Variants in RAC2 observed in about 807,000 individuals in gnomAD.
RAC2 encodes the protein Rac family small GTPase 2.
In RAC2, 1 loss-of-function variant was observed where a neutral mutation model predicts 24.0. The observed-to-expected ratio is 0.04, with a 90% CI of 0.01 to 0.20. The LOEUF (loss-of-function observed/expected upper bound fraction) is 0.20. Ranked by LOEUF, RAC2 falls within the 10% of genes least tolerant of loss-of-function variation. RAC2 has a pLI of 1.00. For synonymous variants in RAC2, 114 were observed against 106.8 expected (o/e 1.07, Z -0.41); for missense variants, 130 against 259.1 (o/e 0.50, Z 3.42).
rs1926803832 is a variant in RAC2, at chr22:37,225,601, A to G, written c.*441T>C. On this transcript the variant is annotated 3_prime_UTR_variant, in exon 7 of 7. Transcript: ENST00000249071. ...AACTCTCTGGCAAGCAGGACCATCG[A>G]TATTAGAGCAGCTGGCCTCAGGAGG... 6.6e-6 allele frequency: 1 copy of G among 152,206 alleles called. No individual in the cohort carries two copies. Among genetic ancestry groups the G allele is most frequent in the Non-Finnish European group, 1.5e-5 (1 of 68,056 alleles). The allele number at this position is 152,206 out of a possible 1,614,324, so 9.4% of individuals were successfully genotyped here. A position where few individuals can be genotyped will look rare whatever the true frequency, so the allele number is the denominator to read the frequency against.
rs573802446 is a variant in RAC2, at chr22:37,242,508, G to A, written c.36-850C>T. ...AGCGGGTGCAGGTAGCTCAGCCGAA[G>A]CCCAGAGGCCAAGGGACAGCTCTGG... On this transcript the variant is annotated intron_variant, in intron 1 of 6. Transcript: ENST00000249071. Among the ~76,000 whole-genome samples, 16 of 152,254 alleles carry A rather than the reference G, an allele frequency of 1.1e-4. No homozygotes were observed. In the South Asian group the frequency reaches 3.3e-3, roughly 32 times the overall value.
At chr22:37,237,533 TG>T (rs1446174502) in intron 2 of RAC2, among the ~76,000 whole-genome samples, 1 of 152,020 alleles carries the variant, frequency 6.6e-6, no homozygotes, top group African/African-American at 2.4e-5. Context: ...CAGAACCTGG[TG>T]GGGCCTGGCG....
chr22:37,231,874 C>G lies in RAC2; in HGVS notation c.288+58G>C. ...CCAGCCTAGAGTCACCAGTTCCTCC[C>G]TCTGTCCCTCAGGGTTACCTGCCCC... On this transcript the variant is annotated intron_variant, in intron 4 of 6. Transcript: ENST00000249071. The surrounding 1 kb of genome is among the most constrained non-coding windows in gnomAD (Gnocchi z 5.5). 6.5e-7 allele frequency: 1 copy of G among 1,530,484 alleles called. No individual in the cohort carries two copies. Among genetic ancestry groups the G allele is most frequent in the South Asian group, 1.2e-5 (1 of 83,606 alleles). The allele number at this position is 1,530,484 out of a possible 1,614,324, so 94.8% of individuals were successfully genotyped here.
At position 37,231,992 on chromosome 22, in the gene RAC2, G is replaced by A. The variant is rs773555428; in HGVS notation, c.228C>T (p.Asp76=). The change falls in exon 4 of 7, where the codon GAC becomes GAT. Residue 76 remains aspartate (D), a splice_region_variant and synonymous_variant. Transcript: ENST00000249071. This position sits in a 1 kb window ranked among gnomAD's most constrained non-coding sequence, Gnocchi z 5.5. ...CGAGGGAGAAGCAGATGAGGAAGAC[G>A]TCCTGGGGACAGAGCAAGCGAGGTT... ...RLRPLSYPQT[D]VFLICFSLVS... 1.2e-5 allele frequency: 18 copies of A among 1,543,560 alleles called. No individual in the cohort carries two copies. The highest frequency in any genetic ancestry group is 4.0e-5 in the Admixed American group (2 of 50,362).
chr22:37,227,891 T>C (rs2145821113), intron 5 of RAC2, among the ~76,000 whole-genome samples: 1 of 152,280 alleles, frequency 6.6e-6, no homozygotes, highest in East Asian at 1.9e-4. Context: ...TGTGTCTTTC[T>C]TGGACACATA....
At position 37,231,615 on chromosome 22, in the gene RAC2, G is replaced by A; in HGVS notation, c.289-225C>T. 1 of 606,452 alleles carries A rather than the reference G, an allele frequency of 1.6e-6. No individual in the cohort carries two copies. The highest frequency in any genetic ancestry group is 2.9e-6 in the Non-Finnish European group (1 of 342,140). The allele number at this position is 606,452 out of a possible 1,614,324, so 37.6% of individuals were successfully genotyped here. The stretch of plus-strand genomic sequence containing the variant: ...GGGGGCGCATGATTGTAGGAAAGGA[G>A]GAGGCGAGGTTTTGTGCAGACATAA... On this transcript the variant is annotated intron_variant, in intron 4 of 6. Transcript: ENST00000249071. This position sits in a 1 kb window ranked among gnomAD's most constrained non-coding sequence, Gnocchi z 5.5.
In RAC2 at chr22:37,232,864, C is replaced by T. The variant is rs771160247; in HGVS notation, c.162G>A (p.Gly54=). The change falls in exon 3 of 7, where the codon GGG becomes GGA. Residue 54 remains glycine (G), a synonymous_variant. Transcript: ENST00000249071. ...CCTCCTGCCCAGCAGTGTCCCACAG[C>T]CCCAGGTTCACTGGCTTGCTGTCCA... is the stretch of plus-strand genomic sequence containing the variant. ...VMVDSKPVNL[G]LWDTAGQEDY... 1.9e-6 allele frequency: 3 copies of T among 1,613,974 alleles called. No homozygotes were observed. Among genetic ancestry groups the T allele is most frequent in the Non-Finnish European group, 1.7e-6 (2 of 1,180,036 alleles).
At position 37,241,299 on chromosome 22, in the gene RAC2, G is replaced by A. The variant is rs144338192; in HGVS notation, c.107+288C>T. On this transcript the variant is annotated intron_variant, in intron 2 of 6. Coordinates refer to ENST00000249071, the MANE Select transcript of RAC2 (RefSeq NM_002872.5). ...AGCTCCTCTCCCAGCTCCTGCTCTT[G>A]CCTGAGCCAGCCTTCTCCTCCACGT... The A allele has an allele frequency of 9.4e-4, 619 of 660,482 alleles. 2 individuals are homozygous for A. Among genetic ancestry groups the A allele is most frequent in the East Asian group, 3.1e-3 (116 of 37,648 alleles). 40.9% of individuals were successfully genotyped at this position (660,482 alleles called of 1,614,324 possible).
At position 37,230,786 on chromosome 22, in the gene RAC2, C is replaced by G. The variant is rs1043185722; in HGVS notation, c.448+445G>C. On this transcript the variant is annotated intron_variant, in intron 5 of 6. Coordinates refer to ENST00000249071, the MANE Select transcript of RAC2 (RefSeq NM_002872.5). ...GCGCCACCTCCTCCAGGAAGCCTTC[C>G]CAGAACACCCAAGTTTGACTTGCCA... is the stretch of plus-strand genomic sequence containing the variant. 1.3e-4 allele frequency among the ~76,000 whole-genome samples: 20 copies of G among 152,196 alleles called. No homozygotes were observed. In the East Asian group the frequency reaches 3.1e-3, roughly 24 times the overall value.
Position 37,231,345 on chromosome 22 carries a change from G to A in RAC2, c.334C>T (p.Leu112=), listed in dbSNP as rs1927054600. ...RHHCPSTPII[L]VGTKLDLRDD... Reference sequence around the variant, plus strand: ...CGCAGGTCCAGCTTGGTGCCCACCAGGATGATGGGTGTGCTGGGGCAGTGG... The same window carrying A: ...CGCAGGTCCAGCTTGGTGCCCACCAAGATGATGGGTGTGCTGGGGCAGTGG... Residue 112 remains leucine (L), a synonymous_variant, in exon 5 of 7, where the codon CTG becomes TTG. Transcript: ENST00000249071. This position sits in a 1 kb window ranked among gnomAD's most constrained non-coding sequence, Gnocchi z 5.5. 1 of 1,614,182 alleles carries A rather than the reference G, an allele frequency of 6.2e-7. No homozygotes were observed. Among genetic ancestry groups the A allele is most frequent in the African/African-American group, 1.3e-5 (1 of 75,044 alleles).
chr22:37,237,308 G>C (rs1927259266), intron 2 of RAC2, among the ~76,000 whole-genome samples: 1 of 151,930 alleles, frequency 6.6e-6, no homozygotes, highest in Admixed American at 6.6e-5. Context: ...GGGGAAACTG[G>C]CACATCAGCC....
rs11374583 is a variant in RAC2, at chr22:37,232,013, A to AG, written c.226-20dup. On this transcript the variant is annotated intron_variant, in intron 3 of 6. Coordinates refer to ENST00000249071, the MANE Select transcript of RAC2 (RefSeq NM_002872.5). ...AGACGTCCTGGGGACAGAGCAAGCG[A>AG]GGTTGCTAGTGAGGAGGGCCCAGAG... The AG allele has an allele frequency of 0.39, 604,387 of 1,550,530 alleles. 119,706 individuals are homozygous for AG. The highest frequency in any genetic ancestry group is 0.56 in the African/African-American group (41,100 of 72,942).
chr22:37,240,727 T>C (rs1927361241), intron 2 of RAC2: 1 of 417,386 alleles, frequency 2.4e-6, no homozygotes, highest in Non-Finnish European at 4.5e-6. Flanking sequence ...CTCTGGGGAG[T>C]GGAGACCCCT....
Position 37,229,877 on chromosome 22 carries a change from C to T in RAC2, c.448+1354G>A, listed in dbSNP as rs536105121. On this transcript the variant is annotated intron_variant, in intron 5 of 6. Coordinates refer to ENST00000249071, the MANE Select transcript of RAC2 (RefSeq NM_002872.5). The stretch of plus-strand genomic sequence containing the variant: ...GTCACACAGCCAATCAGTATCAGAG[C>T]CAGGACCAGAATCCAGGCCTCCAGC... Among the ~76,000 whole-genome samples the T allele has an allele frequency of 8.5e-5, 13 of 152,286 alleles. No individual in the cohort carries two copies. In the East Asian group the frequency reaches 2.3e-3, roughly 27 times the overall value.
chr22:37,237,103 C>T (rs890568608), intron 2 of RAC2, among the ~76,000 whole-genome samples: 10 of 151,872 alleles, frequency 6.6e-5, no homozygotes, highest in Non-Finnish European at 1.2e-4. Context: ...GCAGCAGAAT[C>T]GCTTGAACCC....
At chr22:37,237,780 C>T (rs963136922) in intron 2 of RAC2, among the ~76,000 whole-genome samples, 3 of 151,998 alleles carry the variant, frequency 2.0e-5, no homozygotes, top group South Asian at 2.1e-4. Context: ...GAAACTGGCG[C>T]GATGGCAGGG....
chr22:37,242,672 C>T (rs533179938), intron 1 of RAC2, among the ~76,000 whole-genome samples: 10 of 152,364 alleles, frequency 6.6e-5, no homozygotes, highest in African/African-American at 9.6e-5. Context: ...GACTTCCGCC[C>T]GCCCCTCCTC....
intron 1 of RAC2, among the ~76,000 whole-genome samples, chr22:37,243,594 C>G (rs976743726): frequency 6.6e-6 from 1 of 152,196 alleles, no homozygotes; most frequent in Non-Finnish European, 1.5e-5. Flanking sequence ...AGCAAGACAG[C>G]CACTCAGCTT....
chr22:37,231,921 G>T lies in RAC2; in HGVS notation c.288+11C>A. The T allele has an allele frequency of 6.4e-7, 1 of 1,551,682 alleles. No individual in the cohort carries two copies. ...CCCCAGAGCCCCCAAGGCCCACCCT[G>T]TCCAGCTCACCTTGGCGCGGACGTT... On this transcript the variant is annotated intron_variant, in intron 4 of 6. Transcript: ENST00000249071. The surrounding 1 kb of genome is among the most constrained non-coding windows in gnomAD (Gnocchi z 5.5).
Sources: allele counts gnomAD v4.1 joint callset (sites outside exome capture counted in the v4.1 genomes callset), GRCh38; gene constraint gnomAD v4.1.1; non-coding constraint Gnocchi (gnomAD v3.1); transcripts MANE v1.5; gene names NCBI Gene and HGNC (gene_info 2026-07-23, HGNC 2026-07-21).